ZNF423: variants seen among roughly 807,000 people sequenced by gnomAD.
The protein encoded by ZNF423 is Ebf-associated zinc finger protein.
ZNF423 carries 12 observed loss-of-function variants against 95.8 expected under a neutral mutation model. The observed-to-expected ratio is 0.13, with a 90% CI of 0.08 to 0.20. ZNF423 has a LOEUF of 0.20. Among genes scored for constraint, ZNF423 ranks in the 10% least tolerant of loss-of-function variants. The probability of loss-of-function intolerance (pLI) is 1.00; values close to 1 mark genes in which losing one functional copy is unlikely to be tolerated. For missense variants in ZNF423, 1,316 were observed against 1,737.1 expected, an observed-to-expected ratio of 0.76 and a Z score of 4.31; for synonymous variants, 749 against 711.9, an observed-to-expected ratio of 1.05 and a Z score of -0.83.
upstream of ZNF423, among the ~76,000 whole-genome samples, chr16:49,857,326 G>A (rs1465865721): frequency 1.3e-5 from 2 of 150,336 alleles, no homozygotes; most frequent in African/African-American, 4.9e-5. This position sits in a 1 kb window ranked among gnomAD's most constrained non-coding sequence, Gnocchi z 6.2. Flanking sequence ...GGCGGCGGCG[G>A]CAGGCACGGC....
intron 3 of ZNF423, among the ~76,000 whole-genome samples, chr16:49,680,602 C>T (rs2031311576): frequency 6.6e-6 from 1 of 152,184 alleles, no homozygotes; most frequent in African/African-American, 2.4e-5. Flanking sequence ...CCACTGCATT[C>T]CCCAGTACTC....
upstream of ZNF423, chr16:49,857,771 C>CG (rs1367894102): frequency 6.6e-6 from 1 of 152,286 alleles, no homozygotes; most frequent in Non-Finnish European, 1.5e-5. The surrounding 1 kb of genome is among the most constrained non-coding windows in gnomAD (Gnocchi z 6.2). Context: ...ACCCCCTCCC[C>CG]GCGCAGTTGT....
intron 1 of ZNF423, among the ~76,000 whole-genome samples, chr16:49,836,929 C>T (rs1029849113): frequency 2.0e-5 from 3 of 152,182 alleles, no homozygotes; most frequent in Admixed American, 1.3e-4. Context: ...TCTACATTCC[C>T]CTGGGAGAGC....
At chr16:49,664,871 C>T (rs2030459734) in intron 3 of ZNF423, among the ~76,000 whole-genome samples, 1 of 152,256 alleles carries the variant, frequency 6.6e-6, no homozygotes, top group African/African-American at 2.4e-5. Context: ...GGGGGTGGCC[C>T]CTGGCTACAG....
chr16:49,700,848 C>T (rs1457136332), intron 3 of ZNF423, among the ~76,000 whole-genome samples: 1 of 151,902 alleles, frequency 6.6e-6, no homozygotes, highest in Non-Finnish European at 1.5e-5. Context: ...AATGTGAGTT[C>T]CTGAGTCCCC....
intron 5 of ZNF423, among the ~76,000 whole-genome samples, chr16:49,579,046 C>T (rs775549936): frequency 8.5e-5 from 13 of 152,130 alleles, no homozygotes; most frequent in Non-Finnish European, 1.8e-4. Context: ...TTTTTAGATT[C>T]CTCCATGTTC....
At chr16:49,661,217 CAA>C (rs397959711) in intron 3 of ZNF423, among the ~76,000 whole-genome samples, 23 of 97,752 alleles carry the variant, frequency 2.4e-4, no homozygotes, top group Admixed American at 3.8e-4. Flanking sequence ...GACTTCATCT[CAA>C]AAAAAAAAAA....
At chr16:49,579,685 G>A (rs191697527) in intron 5 of ZNF423, among the ~76,000 whole-genome samples, 26 of 152,210 alleles carry the variant, frequency 1.7e-4, no homozygotes, top group African/African-American at 6.3e-4. Context: ...TGGGGAGGCA[G>A]GGAATCCAGC....
At chr16:49,665,855 A>G (rs1319055886) in intron 3 of ZNF423, among the ~76,000 whole-genome samples, 1 of 152,188 alleles carries the variant, frequency 6.6e-6, no homozygotes, top group East Asian at 1.9e-4. Flanking sequence ...TTTTCTTTTC[A>G]GAAAAAAAGA....
chr16:49,607,647 G>A (rs578083480), intron 5 of ZNF423, among the ~76,000 whole-genome samples: 1 of 152,320 alleles, frequency 6.6e-6, no homozygotes, highest in East Asian at 1.9e-4. Context: ...TATCTTAATA[G>A]GCCCATAATT....
At chr16:49,838,372 AC>A (rs2035143647) in intron 1 of ZNF423, among the ~76,000 whole-genome samples, 2 of 152,194 alleles carry the variant, frequency 1.3e-5, no homozygotes, top group Admixed American at 6.5e-5. Context: ...CACATCACGT[AC>A]CTATTTCACA....
At chr16:49,714,475 G>A (rs778602521) in intron 3 of ZNF423, among the ~76,000 whole-genome samples, 1 of 151,938 alleles carries the variant, frequency 6.6e-6, no homozygotes, top group Non-Finnish European at 1.5e-5. Context: ...TGGCCAACAT[G>A]GCAAAACCCC....
chr16:49,648,987 C>T (rs1973286791), intron 3 of ZNF423, among the ~76,000 whole-genome samples: 1 of 152,156 alleles, frequency 6.6e-6, no homozygotes, highest in Admixed American at 6.5e-5. Context: ...ATGACATACA[C>T]AGGAGACTCA....
chr16:49,518,428 C>T (rs918383165), intron 7 of ZNF423: 1 of 437,252 alleles, frequency 2.3e-6, no homozygotes, highest in Non-Finnish European at 4.5e-6. Context: ...TTTCTGTACA[C>T]AGAACACTAG....
At chr16:49,841,752 G>C (rs1567368019) in intron 1 of ZNF423, among the ~76,000 whole-genome samples, 1 of 152,204 alleles carries the variant, frequency 6.6e-6, no homozygotes, top group Non-Finnish European at 1.5e-5. Context: ...TCCTGAGGAC[G>C]TGGCCTCCTC....
At chr16:49,503,230 G>A (rs993582037) in intron 7 of ZNF423, among the ~76,000 whole-genome samples, 5 of 152,168 alleles carry the variant, frequency 3.3e-5, no homozygotes, top group Non-Finnish European at 5.9e-5. Flanking sequence ...TGCCCAGGAC[G>A]CAAGGGCCCC....
At chr16:49,779,202 C>G (rs1319468629) in intron 2 of ZNF423, among the ~76,000 whole-genome samples, 6 of 151,864 alleles carry the variant, frequency 4.0e-5, no homozygotes, top group African/African-American at 1.5e-4. Context: ...GGTCACTGTC[C>G]CCTAGGAGTG....
At chr16:49,839,714 C>A (rs974227451) in intron 1 of ZNF423, among the ~76,000 whole-genome samples, 1 of 152,200 alleles carries the variant, frequency 6.6e-6, no homozygotes, top group African/African-American at 2.4e-5. Flanking sequence ...AGCCTGCTGG[C>A]TGAAGCTGCA....
chr16:49,780,092 G>A (rs2034185446), intron 2 of ZNF423, among the ~76,000 whole-genome samples: 1 of 152,238 alleles, frequency 6.6e-6, no homozygotes, highest in South Asian at 2.1e-4. Flanking sequence ...TCATCAGCCA[G>A]GGTAGAGGTA....
Sources: gnomAD v4.1 joint callset for allele counts (sites outside exome capture counted in the v4.1 genomes callset) on GRCh38, gnomAD v4.1.1 for gene constraint, Gnocchi (gnomAD v3.1) non-coding constraint, MANE v1.5 for transcripts, NCBI Gene and HGNC (gene_info 2026-07-23, HGNC 2026-07-21) for gene names.